The following TRAM2 variants were observed in gnomAD, a reference collection of about 807,000 sequenced individuals.
TRAM2 encodes translocation associated membrane protein 2.
Under a neutral mutation model 51.0 loss-of-function variants are expected in TRAM2, and 12 were observed. The ratio of observed to expected loss-of-function variants is 0.24; its 90% CI spans 0.15 to 0.38. The LOEUF is 0.38. Among genes scored for constraint, TRAM2 ranks in the 10% least tolerant of loss-of-function variants. TRAM2 has a pLI of 1.00. For synonymous variants in TRAM2, 175 were observed against 179.4 expected (o/e 0.98, Z 0.20); for missense variants, 361 against 462.0 (o/e 0.78, Z 2.00).
At chr6:52,508,949 G>A (rs555183777) in intron 5 of TRAM2, among the ~76,000 whole-genome samples, 15 of 152,272 alleles carry the variant, frequency 9.9e-5, no homozygotes, top group South Asian at 2.1e-4. Flanking sequence ...CAGGAGAATC[G>A]CTTAAACCCA....
intron 2 of TRAM2, among the ~76,000 whole-genome samples, chr6:52,525,956 G>C (rs957916840): frequency 2.6e-5 from 4 of 152,050 alleles, no homozygotes; most frequent in Admixed American, 2.6e-4. Flanking sequence ...AAGAGACAGG[G>C]AGATGACGAC....
In TRAM2 at chr6:52,558,967, G is replaced by A. The variant is rs1011891309; in HGVS notation, c.120+17829C>T. On this transcript the variant is annotated intron_variant, in intron 1 of 10. Transcript: ENST00000182527. ...TGGCACTCTTATTTATTAACAGAGA[G>A]AGAGAGAAATGGAAAGCTGTTCAAG... Among the ~76,000 whole-genome samples, 4 of 152,328 alleles carry A rather than the reference G, an allele frequency of 2.6e-5. 1 individual carries two copies. The highest frequency in any genetic ancestry group is 4.1e-4 in the South Asian group (2 of 4,828).
In TRAM2 at chr6:52,561,252, C is replaced by A. The variant is rs190653812; in HGVS notation, c.120+15544G>T. Among the ~76,000 whole-genome samples the A allele has an allele frequency of 1.6e-4, 25 of 152,196 alleles. 1 individual carries two copies. Among genetic ancestry groups the A allele is most frequent in the Admixed American group, 1.2e-3 (18 of 15,284 alleles). On this transcript the variant is annotated intron_variant, in intron 1 of 10. Transcript: ENST00000182527. ...GTGGATATTAAGGTGGGATGGGGAG[C>A]AATGGGAAATGAATGCGAACAGTTT...
In TRAM2 at chr6:52,500,093, T is replaced by C. The variant is rs1766178565; in HGVS notation, c.*3104A>G. ...CTGTGTCTGTTGGCTTCCCCACAAATGTAAGTTAGTTAGCCAGGGCTGTCG... is the reference window on the plus strand; with the variant it reads ...CTGTGTCTGTTGGCTTCCCCACAAACGTAAGTTAGTTAGCCAGGGCTGTCG... On this transcript the variant is annotated 3_prime_UTR_variant, in exon 11 of 11. Coordinates refer to ENST00000182527, the MANE Select transcript of TRAM2 (RefSeq NM_012288.4). 1 of 152,394 alleles carries C rather than the reference T, an allele frequency of 6.6e-6. No individual in the cohort carries two copies. Among genetic ancestry groups the C allele is most frequent in the Non-Finnish European group, 1.5e-5 (1 of 68,272 alleles). 9.4% of individuals were successfully genotyped at this position (152,394 alleles called of 1,614,324 possible).
chr6:52,545,037 T>G (rs756208469), intron 1 of TRAM2, among the ~76,000 whole-genome samples: 15 of 152,202 alleles, frequency 9.9e-5, no homozygotes, highest in Non-Finnish European at 1.9e-4. Context: ...TAGACTAACT[T>G]GAAAGTGGGT....
At chr6:52,559,124 T>C (rs1343805861) in intron 1 of TRAM2, among the ~76,000 whole-genome samples, 4 of 152,176 alleles carry the variant, frequency 2.6e-5, no homozygotes, top group Non-Finnish European at 5.9e-5. Flanking sequence ...AGTAAGTTTA[T>C]ATGCTCTGTG....
intron 7 of TRAM2, 46 bp from the exon 8 acceptor site, chr6:52,506,182 G>C: frequency 6.4e-7 from 1 of 1,553,552 alleles, no homozygotes; most frequent in Non-Finnish European, 8.8e-7. Context: ...AAGATGCTGC[G>C]TGGAGCAGAA....
rs530068596 is a variant in TRAM2, at chr6:52,507,917, G to A, written c.556-294C>T. Among the ~76,000 whole-genome samples the A allele has an allele frequency of 7.9e-5, 12 of 152,224 alleles. No individual in the cohort carries two copies. The South Asian group carries it at 2.5e-3, about 32-fold the overall frequency. On this transcript the variant is annotated intron_variant, in intron 6 of 10. Transcript: ENST00000182527. Reference sequence around the variant, plus strand: ...AGGGCTCTTGGAAATAATTCAGAAGGAAACTATAAAAAGTAAAAATAAAAA... The same window carrying A: ...AGGGCTCTTGGAAATAATTCAGAAGAAAACTATAAAAAGTAAAAATAAAAA...
Position 52,542,276 on chromosome 6 carries a change from T to TAA in TRAM2, c.121-6432_121-6431dup, listed in dbSNP as rs66882373. On this transcript the variant is annotated intron_variant, in intron 1 of 10. Coordinates refer to ENST00000182527, the MANE Select transcript of TRAM2 (RefSeq NM_012288.4). ...GAGATTTTTGGGTTTTTTTTTTTTT[T>TAA]AAAAAAAATAGTCTTTTAGCCTTTT... Among the ~76,000 whole-genome samples the TAA allele has an allele frequency of 1.6e-3, 237 of 147,782 alleles. 2 individuals are homozygous for TAA. Among genetic ancestry groups the TAA allele is most frequent in the South Asian group, 4.5e-3 (21 of 4,698 alleles).
chr6:52,571,067 T>C (rs533982152), intron 1 of TRAM2, among the ~76,000 whole-genome samples: 2 of 151,320 alleles, frequency 1.3e-5, no homozygotes, highest in Admixed American at 1.3e-4. Flanking sequence ...ACTTTTACTG[T>C]TTCCCCCCCA....
At chr6:52,510,612 C>G (rs1026407414) in intron 4 of TRAM2, among the ~76,000 whole-genome samples, 1 of 152,140 alleles carries the variant, frequency 6.6e-6, no homozygotes, top group African/African-American at 2.4e-5. Flanking sequence ...GTTTGCTGAC[C>G]AACACAGGGA....
intron 3 of TRAM2, 137 bp from the exon 4 acceptor site, chr6:52,516,259 G>A (rs910824485): frequency 1.3e-6 from 1 of 796,898 alleles, no homozygotes; most frequent in Non-Finnish European, 2.1e-6. Context: ...AAGTCATTTG[G>A]TGTAAGCCTA....
At chr6:52,555,296 C>T (rs577547694) in intron 1 of TRAM2, among the ~76,000 whole-genome samples, 44 of 152,078 alleles carry the variant, frequency 2.9e-4, no homozygotes, top group South Asian at 1.5e-3. Flanking sequence ...AACCCACCAC[C>T]TCTCCCCCAG....
At chr6:52,551,536 G>A (rs1054677515) in intron 1 of TRAM2, among the ~76,000 whole-genome samples, 5 of 152,182 alleles carry the variant, frequency 3.3e-5, no homozygotes, top group South Asian at 2.1e-4. Flanking sequence ...AAACAAACGG[G>A]CCACTTATCT....
intron 1 of TRAM2, among the ~76,000 whole-genome samples, chr6:52,570,806 C>CA (rs1554267143): frequency 1.5e-5 from 2 of 132,642 alleles, no homozygotes; most frequent in Non-Finnish European, 3.3e-5. Context: ...CCCCCCCCCC[C>CA]ACACGCACAC....
chr6:52,514,087 T>C (rs1317089658), intron 4 of TRAM2, among the ~76,000 whole-genome samples: 1 of 151,562 alleles, frequency 6.6e-6, no homozygotes, highest in Non-Finnish European at 1.5e-5. Flanking sequence ...CAGGCCCAAA[T>C]CTCCCCTGGT....
intron 1 of TRAM2, among the ~76,000 whole-genome samples, chr6:52,537,124 G>A (rs1262738676): frequency 6.6e-6 from 1 of 152,182 alleles, no homozygotes; most frequent in African/African-American, 2.4e-5. Context: ...CCCATTCAGT[G>A]GGTGTCATTT....
chr6:52,558,469 G>A (rs187042155), intron 1 of TRAM2, among the ~76,000 whole-genome samples: 2 of 152,306 alleles, frequency 1.3e-5, no homozygotes, highest in East Asian at 3.9e-4. Flanking sequence ...AAGAGTTCTG[G>A]AGATTGGTTG....
intron 1 of TRAM2, among the ~76,000 whole-genome samples, chr6:52,545,379 A>C (rs1408308604): frequency 6.6e-6 from 1 of 152,210 alleles, no homozygotes; most frequent in Non-Finnish European, 1.5e-5. Flanking sequence ...AGGGGGCTAC[A>C]AGAAGGGACA....
Sources: gnomAD v4.1 joint callset for allele counts (sites outside exome capture counted in the v4.1 genomes callset) on GRCh38, gnomAD v4.1.1 for gene constraint, MANE v1.5 for transcripts, NCBI Gene and HGNC (gene_info 2026-07-23, HGNC 2026-07-21) for gene names.